Variants in DISC1 observed in about 807,000 individuals in gnomAD.
DISC1 encodes the protein DISC1 scaffold protein.
A neutral mutation model predicts 84.5 loss-of-function variants in DISC1; 57 were observed. The observed-to-expected ratio is 0.67, with a 90% confidence interval of 0.55 to 0.84. The LOEUF is 0.84. DISC1 is among the 40% of genes least tolerant of loss of function. DISC1 has a pLI of 0.00. For synonymous variants in DISC1, 411 were observed against 415.2 expected, an observed-to-expected ratio of 0.99 and a Z score of 0.12; for missense variants, 1,000 against 1,057.8, an observed-to-expected ratio of 0.95 and a Z score of 0.76.
intron 9 of DISC1, among the ~76,000 whole-genome samples, chr1:231,822,571 C>G (rs1174845254): frequency 6.6e-6 from 1 of 152,172 alleles, no homozygotes; most frequent in East Asian, 1.9e-4. Flanking sequence ...TTCGCAATGA[C>G]AAGATCCTGC....
At chr1:231,949,103 C>T (rs1026800010) in intron 9 of DISC1, among the ~76,000 whole-genome samples, 2 of 152,052 alleles carry the variant, frequency 1.3e-5, no homozygotes, top group Middle Eastern at 3.2e-3. Context: ...CTTCTGACCT[C>T]GTGTTCCACC....
At chr1:231,980,154 T>G (rs1663387873) in intron 10 of DISC1, among the ~76,000 whole-genome samples, 2 of 152,204 alleles carry the variant, frequency 1.3e-5, no homozygotes, top group African/African-American at 4.8e-5. Context: ...TTAATTCAAT[T>G]TTTATCCTTC....
chr1:231,645,316 G>A (rs2060031608), intron 1 of DISC1, among the ~76,000 whole-genome samples: 1 of 152,068 alleles, frequency 6.6e-6, no homozygotes, highest in Non-Finnish European at 1.5e-5. Context: ...CCTGGCCATA[G>A]CTCCCACTGA....
In DISC1 at chr1:232,009,461, T is replaced by A. The variant is rs201442383; in HGVS notation, c.2307+412T>A. On this transcript the variant is annotated intron_variant, in intron 11 of 12. Coordinates refer to ENST00000439617, the MANE Select transcript of DISC1 (RefSeq NM_018662.3). This position sits in a 1 kb window ranked among gnomAD's most constrained non-coding sequence, Gnocchi z 4.6. ...TATTGTATGTCATATATGATGTTTA[T>A]ATATTTAGAATCTATATATTACAAT... is the stretch of plus-strand genomic sequence containing the variant. 1.6e-5 allele frequency: 9 copies of A among 570,712 alleles called. No homozygotes were observed. The highest frequency in any genetic ancestry group is 2.7e-5 in the African/African-American group (1 of 37,316). The allele number at this position is 570,712 out of a possible 1,614,324, so 35.4% of individuals were successfully genotyped here.
chr1:231,874,297 A>G (rs2085693654), intron 9 of DISC1, among the ~76,000 whole-genome samples: 2 of 151,964 alleles, frequency 1.3e-5, no homozygotes, highest in South Asian at 4.2e-4. Flanking sequence ...AGCTGGGACT[A>G]CAGGCGCACA....
intron 11 of DISC1, among the ~76,000 whole-genome samples, chr1:232,019,516 C>T (rs1668759579): frequency 6.6e-6 from 1 of 152,128 alleles, no homozygotes; most frequent in African/African-American, 2.4e-5. Flanking sequence ...ATCCCAGTGG[C>T]TTTGTAGTGG....
intron 9 of DISC1, among the ~76,000 whole-genome samples, chr1:231,915,250 A>G (rs2089530223): frequency 6.6e-6 from 1 of 152,026 alleles, no homozygotes. Context: ...GTTTCAGGGG[A>G]TTGTGCAGCT....
intron 1 of DISC1, among the ~76,000 whole-genome samples, chr1:231,674,319 T>G (rs570125172): frequency 9.8e-5 from 15 of 152,298 alleles, no homozygotes; most frequent in African/African-American, 3.6e-4. Context: ...TTTTGAAGCT[T>G]TGTAATTTTG....
chr1:231,872,195 C>A (rs1045874927), intron 9 of DISC1, among the ~76,000 whole-genome samples: 1 of 152,174 alleles, frequency 6.6e-6, no homozygotes, highest in African/African-American at 2.4e-5. Flanking sequence ...AGTACTTGAT[C>A]ACTTACCCTA....
intron 11 of DISC1, among the ~76,000 whole-genome samples, chr1:232,019,134 G>A (rs1287290307): frequency 5.9e-5 from 9 of 152,248 alleles, no homozygotes; most frequent in Middle Eastern, 3.4e-3. Context: ...GGAGACAGGC[G>A]GTTACACACA....
intron 9 of DISC1, among the ~76,000 whole-genome samples, chr1:231,822,790 TC>T (rs1190303527): frequency 3.3e-5 from 5 of 152,132 alleles, no homozygotes; most frequent in African/African-American, 1.2e-4. Context: ...TCAGGCTGCT[TC>T]CACTCATGGC....
chr1:231,964,659 A>G (rs113454480), intron 10 of DISC1, among the ~76,000 whole-genome samples: 1 of 152,210 alleles, frequency 6.6e-6, no homozygotes, highest in African/African-American at 2.4e-5. Context: ...AGAGCCCAGT[A>G]GTTATGGTTG....
chr1:231,944,040 A>G (rs1403671020), intron 9 of DISC1: 1 of 152,168 alleles, frequency 6.6e-6, no homozygotes, highest in Non-Finnish European at 1.5e-5. Flanking sequence ...ATGACTTCTT[A>G]ATGATTAATG....
chr1:231,797,188 G>A (rs2125621759), intron 7 of DISC1, among the ~76,000 whole-genome samples: 1 of 152,292 alleles, frequency 6.6e-6, no homozygotes, highest in East Asian at 1.9e-4. Flanking sequence ...ATTATATAAT[G>A]CAGATGGTGC....
intron 9 of DISC1, among the ~76,000 whole-genome samples, chr1:231,822,954 G>A (rs764511655): frequency 1.3e-5 from 2 of 152,132 alleles, no homozygotes; most frequent in Admixed American, 6.5e-5. Context: ...TATTCTTGAG[G>A]GATCTGCCCC....
intron 9 of DISC1, among the ~76,000 whole-genome samples, chr1:231,844,743 G>A (rs988823726): frequency 1.3e-5 from 2 of 151,774 alleles, no homozygotes. Flanking sequence ...TGGCTAACAC[G>A]TGAAACCCCG....
At chr1:231,637,267 G>A (rs570638054) in intron 1 of DISC1, among the ~76,000 whole-genome samples, 2 of 152,286 alleles carry the variant, frequency 1.3e-5, no homozygotes, top group South Asian at 2.1e-4. Flanking sequence ...GTAAACATAC[G>A]TGTGCATGTA....
At chr1:232,034,087 G>A (rs760292663) in intron 12 of DISC1, among the ~76,000 whole-genome samples, 53 of 152,034 alleles carry the variant, frequency 3.5e-4, no homozygotes, top group Admixed American at 6.5e-4. Context: ...GGATCCTACA[G>A]GCAGGTTGGT....
At chr1:231,679,670 G>A (rs1173916722) in intron 1 of DISC1, among the ~76,000 whole-genome samples, 2 of 152,234 alleles carry the variant, frequency 1.3e-5, no homozygotes, top group African/African-American at 4.8e-5. Flanking sequence ...ACAGAGGCAA[G>A]AAGAGACGAG....
Sources: gnomAD v4.1 joint callset for allele counts (sites outside exome capture counted in the v4.1 genomes callset) on GRCh38, gnomAD v4.1.1 for gene constraint, Gnocchi (gnomAD v3.1) non-coding constraint, MANE v1.5 for transcripts, NCBI Gene and HGNC (gene_info 2026-07-23, HGNC 2026-07-21) for gene names.